SIK3: variants seen among roughly 807,000 people sequenced by gnomAD.
SIK3 encodes serine/threonine-protein kinase SIK3.
In SIK3, 28 loss-of-function variants were observed where a neutral mutation model predicts 144.2. The ratio of observed to expected loss-of-function variants is 0.19; its 90% confidence interval spans 0.14 to 0.27. SIK3 has a LOEUF of 0.27. Among genes scored for constraint, SIK3 ranks in the 10% least tolerant of loss-of-function variants. SIK3 has a pLI of 1.00. For missense variants in SIK3, 1,319 were observed against 1,776.0 expected, an observed-to-expected ratio of 0.74 and a Z score of 4.62; for synonymous variants, 686 against 676.3, an observed-to-expected ratio of 1.01 and a Z score of -0.22.
At chr11:117,022,309 A>C (rs1040043927) in intron 1 of SIK3, among the ~76,000 whole-genome samples, 1 of 152,176 alleles carries the variant, frequency 6.6e-6, no homozygotes. Context: ...TTTAATATCT[A>C]TGCATTTCCT....
intron 1 of SIK3, among the ~76,000 whole-genome samples, chr11:117,068,630 C>G (rs938532572): frequency 1.3e-5 from 2 of 152,072 alleles, no homozygotes; most frequent in African/African-American, 2.4e-5. Flanking sequence ...GCCTGTAGTC[C>G]CAGCTACTCA....
chr11:116,887,504 C>A (rs1944886085), intron 6 of SIK3, among the ~76,000 whole-genome samples: 1 of 151,846 alleles, frequency 6.6e-6, no homozygotes, highest in South Asian at 2.1e-4. Context: ...GTAGTCCCAG[C>A]CACCCAGGAG....
chr11:117,062,918 G>A (rs1022541846), intron 1 of SIK3, among the ~76,000 whole-genome samples: 6 of 152,248 alleles, frequency 3.9e-5, no homozygotes, highest in East Asian at 1.9e-4. Flanking sequence ...AAAAACATAC[G>A]TATTAAAAGC....
rs191389465 is a variant in SIK3, at chr11:116,971,049, T to C, written c.274-13985A>G. ...GAGATAACCTTGGTGAATAAGTGTT[T>C]CTTTCCTCAATTAAATACATTAAAA... On this transcript the variant is annotated intron_variant, in intron 1 of 24. Coordinates refer to ENST00000445177, the MANE Select transcript of SIK3 (RefSeq NM_001366686.3). Among the ~76,000 whole-genome samples, 7 of 152,360 alleles carry C rather than the reference T, an allele frequency of 4.6e-5. No homozygotes were observed. The East Asian group carries it at 1.3e-3, about 29-fold the overall frequency.
intron 4 of SIK3, among the ~76,000 whole-genome samples, chr11:116,913,193 C>A (rs1311159346): frequency 6.6e-6 from 1 of 152,110 alleles, no homozygotes; most frequent in Non-Finnish European, 1.5e-5. Context: ...ATCACTTCAA[C>A]CCCTGGCTGA....
intron 1 of SIK3, among the ~76,000 whole-genome samples, chr11:117,096,603 C>T (rs1042657783): frequency 3.3e-5 from 5 of 152,150 alleles, no homozygotes; most frequent in African/African-American, 1.2e-4. Flanking sequence ...TCAGCTCTGA[C>T]CTGCAGACTG....
intron 6 of SIK3, among the ~76,000 whole-genome samples, chr11:116,891,311 C>T (rs190104691): frequency 6.6e-6 from 1 of 151,888 alleles, no homozygotes; most frequent in Admixed American, 6.6e-5. Context: ...AGCGAGACTC[C>T]GTCTCAAAAA....
intron 3 of SIK3, among the ~76,000 whole-genome samples, chr11:116,927,924 C>T (rs749449378): frequency 6.6e-6 from 1 of 152,224 alleles, no homozygotes; most frequent in Non-Finnish European, 1.5e-5. Flanking sequence ...CATAAAAACA[C>T]ACTTACTCGG....
intron 4 of SIK3, among the ~76,000 whole-genome samples, chr11:116,910,441 A>T (rs1398456659): frequency 6.6e-6 from 1 of 151,550 alleles, no homozygotes; most frequent in Non-Finnish European, 1.5e-5. Context: ...TTTTTTTCTG[A>T]TTATAATCTT....
chr11:116,954,039 C>T lies in SIK3; in HGVS notation c.454+5G>A. 1 of 1,612,660 alleles carries T rather than the reference C, an allele frequency of 6.2e-7. No individual in the cohort carries two copies. Among genetic ancestry groups the T allele is most frequent in the East Asian group, 2.2e-5 (1 of 44,844 alleles). ...CTGTTTAAAGAATGCAATAAATGTA[C>T]TTACCAAATATTTCCCCTCCACTAG... On this transcript the variant is annotated splice_donor_5th_base_variant and intron_variant, in intron 3 of 24. Coordinates refer to ENST00000445177, the MANE Select transcript of SIK3 (RefSeq NM_001366686.3).
At chr11:116,897,383 T>C (rs1449442662) in intron 4 of SIK3, 66 bp from the exon 5 acceptor site, 19 of 1,394,394 alleles carry the variant, frequency 1.4e-5, no homozygotes, top group Non-Finnish European at 1.5e-5. Context: ...CAAACACTAG[T>C]CTCTAGTCAC....
At chr11:117,016,741 A>G (rs1329682143) in intron 1 of SIK3, among the ~76,000 whole-genome samples, 1 of 152,220 alleles carries the variant, frequency 6.6e-6, no homozygotes, top group East Asian at 1.9e-4. Flanking sequence ...ATATCTATCA[A>G]GACATCATGG....
At position 116,849,058 on chromosome 11, in the gene SIK3, ACT is replaced by A; in HGVS notation, c.3819+60_3819+61del. ...AAGAGAGGCTACCCCACATCACTATACTCTGTTTCAAGGCTGGGACTGGGAGG... is the reference window on the plus strand; with the variant it reads ...AAGAGAGGCTACCCCACATCACTATACTGTTTCAAGGCTGGGACTGGGAGG... On this transcript the variant is annotated intron_variant, in intron 22 of 24. Coordinates refer to ENST00000445177, the MANE Select transcript of SIK3 (RefSeq NM_001366686.3). The surrounding 1 kb of genome is among the most constrained non-coding windows in gnomAD (Gnocchi z 4.2). 3 of 1,521,622 alleles carry A rather than the reference ACT, an allele frequency of 2.0e-6. No individual in the cohort carries two copies. In the South Asian group the frequency reaches 3.8e-5, roughly 19 times the overall value. The allele number at this position is 1,521,622 out of a possible 1,614,324, so 94.3% of individuals were successfully genotyped here.
At chr11:116,880,939 C>T (rs1944512035) in intron 6 of SIK3, among the ~76,000 whole-genome samples, 1 of 152,036 alleles carries the variant, frequency 6.6e-6, no homozygotes, top group South Asian at 2.1e-4. Context: ...GCCTGGCCAA[C>T]ATGGTAAAAC....
chr11:116,934,962 A>G (rs1664999), intron 3 of SIK3, among the ~76,000 whole-genome samples: 1 of 152,030 alleles, frequency 6.6e-6, no homozygotes, highest in South Asian at 2.1e-4. Flanking sequence ...GCGCATGCCT[A>G]TAGTCCCAGC....
intron 1 of SIK3, among the ~76,000 whole-genome samples, chr11:116,982,320 A>C (rs1950169519): frequency 2.8e-5 from 4 of 140,622 alleles, no homozygotes; most frequent in South Asian, 4.5e-4. Flanking sequence ...ACGGAGTCTC[A>C]CTCTGTCACC....
At chr11:117,010,499 T>A (rs1425428624) in intron 1 of SIK3, among the ~76,000 whole-genome samples, 1 of 152,086 alleles carries the variant, frequency 6.6e-6, no homozygotes, top group Admixed American at 6.6e-5. Context: ...CTGACTTTCC[T>A]TTTTTCTGTG....
intron 1 of SIK3, among the ~76,000 whole-genome samples, chr11:117,078,259 A>G (rs1455094642): frequency 6.6e-6 from 1 of 152,216 alleles, no homozygotes; most frequent in Non-Finnish European, 1.5e-5. Flanking sequence ...AGGAGGCTAC[A>G]CTAAAGAATA....
intron 1 of SIK3, among the ~76,000 whole-genome samples, chr11:116,975,583 T>C (rs1370989171): frequency 6.6e-6 from 1 of 152,222 alleles, no homozygotes; most frequent in African/African-American, 2.4e-5. Flanking sequence ...ATTGTATGGA[T>C]ATATTAATTT....
Sources: allele counts gnomAD v4.1 joint callset (sites outside exome capture counted in the v4.1 genomes callset), GRCh38; gene constraint gnomAD v4.1.1; non-coding constraint Gnocchi (gnomAD v3.1); transcripts MANE v1.5; gene names NCBI Gene and HGNC (gene_info 2026-07-23, HGNC 2026-07-21).